Variants in SH3GL2 observed in about 807,000 individuals in gnomAD.
SH3GL2 encodes the protein SH3 domain containing GRB2 like 2, endophilin A1, also known as endophilin-A1.
A neutral mutation model predicts 46.0 loss-of-function variants in SH3GL2; 24 were observed. The observed-to-expected ratio is 0.52, with a 90% CI of 0.38 to 0.73. SH3GL2 has a LOEUF of 0.73. Ranked by LOEUF, SH3GL2 falls within the 30% of genes least tolerant of loss-of-function variation. The pLI is 0.00. For synonymous variants in SH3GL2, 196 were observed against 147.1 expected, an observed-to-expected ratio of 1.33 and a Z score of -2.40; for missense variants, 413 against 424.2, an observed-to-expected ratio of 0.97 and a Z score of 0.23.
At chr9:17,653,161 T>C (rs1268364951) in intron 1 of SH3GL2, among the ~76,000 whole-genome samples, 1 of 152,188 alleles carries the variant, frequency 6.6e-6, no homozygotes, top group Non-Finnish European at 1.5e-5. Flanking sequence ...ATGATTACTT[T>C]TCTATCAGGC....
intron 1 of SH3GL2, chr9:17,735,816 G>A (rs1822318142): frequency 2.4e-6 from 2 of 821,734 alleles, no homozygotes; most frequent in Non-Finnish European, 2.9e-6. Context: ...TAGCAGGTAG[G>A]TGGTGTGGGA....
At chr9:17,594,797 C>G (rs1818542020) in intron 1 of SH3GL2, among the ~76,000 whole-genome samples, 1 of 152,072 alleles carries the variant, frequency 6.6e-6, no homozygotes, top group Admixed American at 6.5e-5. Context: ...GTTGCCAGTT[C>G]CTAGCCTGTA....
At chr9:17,793,761 G>A (rs73645334) in intron 8 of SH3GL2, among the ~76,000 whole-genome samples, 12,066 of 151,916 alleles carry the variant, frequency 0.079, 1,111 homozygotes, top group African/African-American at 0.22. Context: ...CAGCACACAC[G>A]AACACATTTT....
chr9:17,669,298 G>A (rs1820416547), intron 1 of SH3GL2, among the ~76,000 whole-genome samples: 1 of 152,080 alleles, frequency 6.6e-6, no homozygotes, highest in Non-Finnish European at 1.5e-5. Context: ...ATGTATATAT[G>A]TGTGTATTTA....
intron 2 of SH3GL2, chr9:17,755,649 C>A (rs753403014): frequency 4.6e-6 from 1 of 216,588 alleles, no homozygotes; most frequent in Non-Finnish European, 7.9e-6. Context: ...AGTGTTGGTG[C>A]TCCCTTTAAG....
chr9:17,617,385 A>T (rs1008755929), intron 1 of SH3GL2, among the ~76,000 whole-genome samples: 1 of 152,220 alleles, frequency 6.6e-6, no homozygotes, highest in Non-Finnish European at 1.5e-5. Context: ...TGCTCCTTGG[A>T]ACCCTCCTCA....
At chr9:17,623,180 C>T (rs539154661) in intron 1 of SH3GL2, among the ~76,000 whole-genome samples, 4 of 150,932 alleles carry the variant, frequency 2.7e-5, no homozygotes, top group South Asian at 2.1e-4. Flanking sequence ...GTCCTTCCAT[C>T]GGAGTGGGCC....
intron 1 of SH3GL2, among the ~76,000 whole-genome samples, chr9:17,673,548 C>T (rs1459923766): frequency 1.3e-5 from 2 of 152,102 alleles, no homozygotes; most frequent in Non-Finnish European, 2.9e-5. Flanking sequence ...TTTCTGACCA[C>T]ATTGTTCCCC....
chr9:17,792,586 A>G (rs999550036), intron 7 of SH3GL2, among the ~76,000 whole-genome samples: 4 of 151,980 alleles, frequency 2.6e-5, no homozygotes, highest in African/African-American at 7.3e-5. Flanking sequence ...TCCTCCCTAT[A>G]TTTCAAACTG....
chr9:17,747,597 G>T (rs1302556014), intron 2 of SH3GL2, among the ~76,000 whole-genome samples: 2 of 152,118 alleles, frequency 1.3e-5, no homozygotes, highest in African/African-American at 4.8e-5. Context: ...TCCAACCTTG[G>T]CCCAAACTCC....
chr9:17,606,371 G>C (rs574178031), intron 1 of SH3GL2, among the ~76,000 whole-genome samples: 1 of 152,100 alleles, frequency 6.6e-6, no homozygotes, highest in Non-Finnish European at 1.5e-5. Flanking sequence ...GATTACAGGC[G>C]TAAGCCACCA....
chr9:17,741,233 A>G lies in SH3GL2; in HGVS notation c.46-5833A>G, dbSNP rs377563274. Among the ~76,000 whole-genome samples the G allele has an allele frequency of 1.8e-3, 277 of 152,296 alleles. 2 individuals carry two copies. Among genetic ancestry groups the G allele is most frequent in the African/African-American group, 6.1e-3 (255 of 41,578 alleles). ...TTTCAAAAAAGTATTTTGGAAAAGT[A>G]TTATGTTTATTTTCTATCAAATGTA... On this transcript the variant is annotated intron_variant, in intron 1 of 8. Coordinates refer to ENST00000380607, the MANE Select transcript of SH3GL2 (RefSeq NM_003026.5).
At chr9:17,587,758 G>A (rs1379954220) in intron 1 of SH3GL2, among the ~76,000 whole-genome samples, 1 of 152,084 alleles carries the variant, frequency 6.6e-6, no homozygotes, top group African/African-American at 2.4e-5. Flanking sequence ...TACGCCTGTA[G>A]TCCCAGCTAC....
intron 2 of SH3GL2, among the ~76,000 whole-genome samples, chr9:17,759,863 C>T (rs1823118039): frequency 6.6e-6 from 1 of 152,032 alleles, no homozygotes. Context: ...CATCTAATTC[C>T]TTAATTCCCA....
At chr9:17,605,084 C>T (rs1243419473) in intron 1 of SH3GL2, among the ~76,000 whole-genome samples, 1 of 151,408 alleles carries the variant, frequency 6.6e-6, no homozygotes, top group African/African-American at 2.4e-5. Flanking sequence ...GTGATCCTCT[C>T]ACCTTAGCCT....
intron 1 of SH3GL2, among the ~76,000 whole-genome samples, chr9:17,612,473 T>C (rs1818889728): frequency 6.6e-6 from 1 of 152,164 alleles, no homozygotes; most frequent in African/African-American, 2.4e-5. Context: ...GTCAGGTGAT[T>C]CTTATGTACA....
intron 1 of SH3GL2, among the ~76,000 whole-genome samples, chr9:17,725,307 C>A (rs1376702133): frequency 6.6e-6 from 1 of 152,028 alleles, no homozygotes; most frequent in Non-Finnish European, 1.5e-5. Flanking sequence ...ATGTGCTTAG[C>A]CTTCTTTGTC....
chr9:17,638,458 G>A (rs1025400783), intron 1 of SH3GL2, among the ~76,000 whole-genome samples: 1 of 152,196 alleles, frequency 6.6e-6, no homozygotes, highest in Non-Finnish European at 1.5e-5. Flanking sequence ...ACAAGTAAAT[G>A]AAAACATTGT....
At chr9:17,661,374 G>C (rs1323346035) in intron 1 of SH3GL2, among the ~76,000 whole-genome samples, 1 of 152,084 alleles carries the variant, frequency 6.6e-6, no homozygotes. Flanking sequence ...CATCTTGATA[G>C]CATGGAGCAG....
Sources: gnomAD v4.1 joint callset for allele counts (sites outside exome capture counted in the v4.1 genomes callset) on GRCh38, gnomAD v4.1.1 for gene constraint, MANE v1.5 for transcripts, NCBI Gene and HGNC (gene_info 2026-07-23, HGNC 2026-07-21) for gene names.